Variants in FER observed in about 807,000 individuals in gnomAD.
The protein encoded by FER is tyrosine-protein kinase Fer.
Under a neutral mutation model 111.0 loss-of-function variants are expected in FER, and 63 were observed. The observed-to-expected ratio is 0.57, with a 90% CI of 0.46 to 0.70. The LOEUF is 0.70. Ranked by LOEUF, FER falls within the 30% of genes least tolerant of loss-of-function variation. The probability of loss-of-function intolerance (pLI) is 0.00; values close to 1 mark genes in which losing one functional copy is unlikely to be tolerated. For missense variants in FER, 914 were observed against 954.0 expected (o/e 0.96, Z 0.55); for synonymous variants, 327 against 313.9 (o/e 1.04, Z -0.44).
chr5:109,062,666 C>T (rs1214892197), intron 16 of FER, among the ~76,000 whole-genome samples: 1 of 152,026 alleles, frequency 6.6e-6, no homozygotes, highest in Non-Finnish European at 1.5e-5. Context: ...AGACTTAGCA[C>T]CTTAACCTCC....
chr5:109,171,442 T>G (rs1341156809), intron 17 of FER, among the ~76,000 whole-genome samples: 1 of 152,208 alleles, frequency 6.6e-6, no homozygotes, highest in Admixed American at 6.5e-5. Flanking sequence ...CAGATTAGTA[T>G]GCATGAAGTT....
chr5:108,809,694 C>A (rs1316145500), intron 3 of FER, among the ~76,000 whole-genome samples: 1 of 152,144 alleles, frequency 6.6e-6, no homozygotes, highest in Non-Finnish European at 1.5e-5. Flanking sequence ...TCCTGAGTAG[C>A]TGGGACTACA....
intron 16 of FER, among the ~76,000 whole-genome samples, chr5:109,076,175 AAGAT>A (rs1368886884): frequency 5.9e-5 from 9 of 152,156 alleles, no homozygotes; most frequent in South Asian, 4.1e-4. Flanking sequence ...TATAAGGAGA[AAGAT>A]AGCGAAATCA....
chr5:108,972,747 A>C (rs544316036), intron 13 of FER, among the ~76,000 whole-genome samples: 1 of 152,196 alleles, frequency 6.6e-6, no homozygotes, highest in South Asian at 2.1e-4. Context: ...TATAAACAAG[A>C]CTCATATTCT....
intron 13 of FER, among the ~76,000 whole-genome samples, chr5:108,972,748 CTCATA>C (rs1465218232): frequency 2.0e-5 from 3 of 152,072 alleles, no homozygotes; most frequent in African/African-American, 7.2e-5. Context: ...ATAAACAAGA[CTCATA>C]TTCTATTTTC....
intron 3 of FER, among the ~76,000 whole-genome samples, chr5:108,829,634 G>C (rs1336231220): frequency 1.3e-5 from 2 of 152,024 alleles, no homozygotes; most frequent in Admixed American, 6.5e-5. Context: ...GTGAGACCCT[G>C]TCTCAAAAAA....
intron 13 of FER, among the ~76,000 whole-genome samples, chr5:109,035,360 T>G (rs898511145): frequency 6.6e-6 from 1 of 152,204 alleles, no homozygotes; most frequent in Non-Finnish European, 1.5e-5. Flanking sequence ...TAGATTGTCC[T>G]TCTCTAGAAT....
intron 14 of FER, 91 bp from the exon 15 acceptor site, chr5:109,044,589 C>A: frequency 1.6e-6 from 1 of 613,594 alleles, no homozygotes; most frequent in Non-Finnish European, 2.9e-6. Flanking sequence ...TGTAGGTAAG[C>A]ACCTCCTCCT....
chr5:108,933,506 A>G (rs1393815558), intron 10 of FER, among the ~76,000 whole-genome samples: 7 of 152,062 alleles, frequency 4.6e-5, no homozygotes, highest in Admixed American at 3.9e-4. Context: ...GCTTTGTAGT[A>G]TAGGTTGAAG....
intron 6 of FER, 150 bp downstream of exon 6, chr5:108,868,100 C>A: frequency 1.4e-6 from 1 of 702,328 alleles, no homozygotes; most frequent in Non-Finnish European, 2.3e-6. Context: ...TTTCACTTTT[C>A]ATGTCCCTTC....
intron 17 of FER, among the ~76,000 whole-genome samples, chr5:109,146,020 A>T (rs528481669): frequency 7.9e-5 from 12 of 151,242 alleles, no homozygotes; most frequent in Non-Finnish European, 1.8e-4. Flanking sequence ...AGTTTTTAAG[A>T]TACGTACAGA....
At chr5:109,179,593 T>C (rs1415750922) in intron 17 of FER, among the ~76,000 whole-genome samples, 4 of 152,198 alleles carry the variant, frequency 2.6e-5, no homozygotes, top group African/African-American at 4.8e-5. Flanking sequence ...AAGTTCCACA[T>C]CTGTGGATTC....
chr5:109,038,383 G>A (rs566876355), intron 14 of FER, among the ~76,000 whole-genome samples: 62 of 151,996 alleles, frequency 4.1e-4, no homozygotes, highest in African/African-American at 1.5e-3. Flanking sequence ...CATTTTAGAT[G>A]AAGAAATGAT....
chr5:108,958,171 A>G (rs536256957), intron 12 of FER, among the ~76,000 whole-genome samples: 49 of 151,932 alleles, frequency 3.2e-4, no homozygotes, highest in African/African-American at 1.0e-3. Context: ...TTAAATTTTG[A>G]TACATTCAAT....
intron 17 of FER, among the ~76,000 whole-genome samples, chr5:109,118,087 A>C (rs1215345251): frequency 6.6e-6 from 1 of 152,044 alleles, no homozygotes; most frequent in African/African-American, 2.4e-5. Context: ...GTCTTGTGCC[A>C]ATTTTCAAAG....
At chr5:108,989,747 G>A (rs1762957385) in intron 13 of FER, among the ~76,000 whole-genome samples, 1 of 151,810 alleles carries the variant, frequency 6.6e-6, no homozygotes, top group Admixed American at 6.6e-5. Flanking sequence ...GCCCAAGAAA[G>A]CAATTAAAAT....
At chr5:109,040,399 A>T (rs1770994610) in intron 14 of FER, among the ~76,000 whole-genome samples, 2 of 152,118 alleles carry the variant, frequency 1.3e-5, no homozygotes, top group South Asian at 4.1e-4. Context: ...AAGAGCAGCC[A>T]AGTAGGAGGC....
intron 17 of FER, among the ~76,000 whole-genome samples, chr5:109,153,829 C>T (rs554827942): frequency 2.6e-5 from 4 of 151,722 alleles, no homozygotes; most frequent in Non-Finnish European, 4.4e-5. Flanking sequence ...AGCAGTATAC[C>T]GTCTCTCATA....
chr5:108,778,427 A>G (rs956260558), intron 2 of FER, among the ~76,000 whole-genome samples: 5 of 152,220 alleles, frequency 3.3e-5, no homozygotes, highest in African/African-American at 1.2e-4. Flanking sequence ...AAGTGGCCAT[A>G]CCATTTTGCA....
Sources: gnomAD v4.1 joint callset for allele counts (sites outside exome capture counted in the v4.1 genomes callset) on GRCh38, gnomAD v4.1.1 for gene constraint, MANE v1.5 for transcripts, NCBI Gene and HGNC (gene_info 2026-07-23, HGNC 2026-07-21) for gene names.